The following BRINP1 variants were observed in gnomAD, a reference collection of about 807,000 sequenced individuals.
BRINP1 encodes the protein BMP/retinoic acid inducible neural specific 1, also known as BMP/retinoic acid-inducible neural-specific protein 1.
A neutral mutation model predicts 72.9 loss-of-function variants in BRINP1; 17 were observed. That is an observed-to-expected ratio of 0.23 (90% CI 0.16 to 0.35). The LOEUF (loss-of-function observed/expected upper bound fraction) is 0.35. Ranked by LOEUF, BRINP1 falls within the 10% of genes least tolerant of loss-of-function variation. The pLI, the probability that BRINP1 is intolerant of heterozygous loss-of-function variation, is 1.00. For missense variants in BRINP1, 850 were observed against 1,001.6 expected (o/e 0.85, Z 2.04); for synonymous variants, 418 against 378.5 (o/e 1.10, Z -1.21).
chr9:119,166,732 A>C lies in BRINP1; in HGVS notation c.*352T>G, dbSNP rs1228622311. 5.5e-6 allele frequency: 1 copy of C among 181,164 alleles called. No individual in the cohort carries two copies. 11.2% of individuals were successfully genotyped at this position (181,164 alleles called of 1,614,324 possible). A position where few individuals can be genotyped will look rare whatever the true frequency, so the allele number is the denominator to read the frequency against. Reference sequence around the variant, plus strand: ...ATTACATATATCTCTCTTTCTTTTTAGTGTTTAATCTTAGCACCTGCACAG... The same window carrying C: ...ATTACATATATCTCTCTTTCTTTTTCGTGTTTAATCTTAGCACCTGCACAG... On this transcript the variant is annotated 3_prime_UTR_variant, in exon 8 of 8. Transcript: ENST00000265922.
At chr9:119,284,156 C>T (rs1830738335) in intron 2 of BRINP1, among the ~76,000 whole-genome samples, 1 of 152,216 alleles carries the variant, frequency 6.6e-6, no homozygotes, top group Admixed American at 6.5e-5. Flanking sequence ...CTCCTTTCTG[C>T]ATCGCTTTCT....
intron 2 of BRINP1, among the ~76,000 whole-genome samples, chr9:119,290,858 C>T (rs569596596): frequency 1.3e-5 from 2 of 152,294 alleles, no homozygotes; most frequent in African/African-American, 2.4e-5. Context: ...TGCAGTGGCT[C>T]ACGCCTGTAA....
At chr9:119,201,218 C>T (rs1471791137) in intron 7 of BRINP1, among the ~76,000 whole-genome samples, 2 of 152,162 alleles carry the variant, frequency 1.3e-5, no homozygotes, top group African/African-American at 2.4e-5. Flanking sequence ...ATTGTAATTT[C>T]AGGCAAAAGA....
At chr9:119,285,856 G>A (rs1187636302) in intron 2 of BRINP1, among the ~76,000 whole-genome samples, 1 of 152,052 alleles carries the variant, frequency 6.6e-6, no homozygotes, top group African/African-American at 2.4e-5. Flanking sequence ...GTATTCAGTT[G>A]TCATATCCTA....
intron 7 of BRINP1, among the ~76,000 whole-genome samples, chr9:119,171,930 C>G (rs1215455057): frequency 9.3e-5 from 12 of 129,166 alleles, no homozygotes; most frequent in African/African-American, 1.4e-4. Context: ...TTCTTTGAAA[C>G]CAACGAGAAC....
chr9:119,368,932 T>C lies in BRINP1; in HGVS notation c.-51+124A>G, dbSNP rs1831724651. 2 of 374,770 alleles carry C rather than the reference T, an allele frequency of 5.3e-6. No individual in the cohort carries two copies. Among genetic ancestry groups the C allele is most frequent in the South Asian group, 1.5e-4 (1 of 6,814 alleles). The allele number at this position is 374,770 out of a possible 1,614,324, so 23.2% of individuals were successfully genotyped here. A position where few individuals can be genotyped will look rare whatever the true frequency, so the allele number is the denominator to read the frequency against. On this transcript the variant is annotated intron_variant, in intron 1 of 7. Coordinates refer to ENST00000265922, the MANE Select transcript of BRINP1 (RefSeq NM_014618.3). This position sits in a 1 kb window ranked among gnomAD's most constrained non-coding sequence, Gnocchi z 4.7. ...ACTTGGAGGCGGCGGGGCGGCCAGG[T>C]GAAGAGCGGACAAGGGTGCCGGTAG... is the stretch of plus-strand genomic sequence containing the variant.
intron 1 of BRINP1, among the ~76,000 whole-genome samples, chr9:119,364,030 T>C (rs1831663779): frequency 6.6e-6 from 1 of 151,110 alleles, no homozygotes; most frequent in Non-Finnish European, 1.5e-5. Flanking sequence ...TTTTTTTTTT[T>C]TTTTTTTTGG....
intron 1 of BRINP1, among the ~76,000 whole-genome samples, chr9:119,318,807 A>G (rs1831152246): frequency 6.6e-6 from 1 of 151,254 alleles, no homozygotes; most frequent in African/African-American, 2.4e-5. Context: ...AGCTCTCAAA[A>G]GTGGAACAAG....
chr9:119,175,973 G>T (rs10984429), intron 7 of BRINP1, among the ~76,000 whole-genome samples: 2 of 152,334 alleles, frequency 1.3e-5, no homozygotes, highest in East Asian at 1.9e-4. Flanking sequence ...CTGAGGTAAT[G>T]TTGGGCAGTT....
intron 5 of BRINP1, among the ~76,000 whole-genome samples, chr9:119,237,208 T>C (rs1228868186): frequency 2.0e-5 from 3 of 151,114 alleles, no homozygotes; most frequent in African/African-American, 4.9e-5. Context: ...AAGCATGTCA[T>C]TTTTTTTTCT....
intron 5 of BRINP1, among the ~76,000 whole-genome samples, chr9:119,235,553 A>G (rs1274427197): frequency 2.0e-5 from 3 of 152,088 alleles, no homozygotes; most frequent in Non-Finnish European, 2.9e-5. Flanking sequence ...AAAATTTATT[A>G]TGCCTACTCT....
intron 7 of BRINP1, among the ~76,000 whole-genome samples, chr9:119,170,904 T>G (rs1829400228): frequency 6.9e-6 from 1 of 143,960 alleles, no homozygotes; most frequent in Non-Finnish European, 1.5e-5. Context: ...GAAGGAGAAA[T>G]AAAATACTTT....
chr9:119,288,516 A>C (rs1216780703), intron 2 of BRINP1, among the ~76,000 whole-genome samples: 1 of 152,068 alleles, frequency 6.6e-6, no homozygotes, highest in East Asian at 1.9e-4. Flanking sequence ...GCAAAAACAC[A>C]ATACAGAAAG....
intron 2 of BRINP1, 86 bp from the exon 3 acceptor site, chr9:119,249,236 C>T: frequency 1.5e-6 from 2 of 1,316,228 alleles, no homozygotes; most frequent in South Asian, 3.0e-5. Context: ...CCAGGCATCT[C>T]TCCTTAAGTG....
intron 2 of BRINP1, among the ~76,000 whole-genome samples, chr9:119,290,617 G>A (rs1452323431): frequency 6.6e-6 from 1 of 152,176 alleles, no homozygotes; most frequent in African/African-American, 2.4e-5. Flanking sequence ...ACTGAATATG[G>A]ATATTTGGGA....
In BRINP1 at chr9:119,167,103, A is replaced by G; in HGVS notation, c.2267T>C (p.Met756Thr). The G allele has an allele frequency of 1.9e-6, 3 of 1,605,800 alleles. No homozygotes were observed. The highest frequency in any genetic ancestry group is 2.6e-6 in the Non-Finnish European group (3 of 1,174,368). The change falls in exon 8 of 8, where the codon ATG (methionine) becomes ACG (threonine). Residue 756 changes from methionine to threonine, a missense_variant. Physicochemically the swap from Met to Thr is moderately conservative, Grantham distance 81. Transcript: ENST00000265922. This position sits in a 1 kb window ranked among gnomAD's most constrained non-coding sequence, Gnocchi z 4.3. ...NTEILKQSDQMTAKLC is the reference protein window; with the variant it reads ...NTEILKQSDQTTAKLC ...CCCGGGTTAGCAGAGTTTGGCTGTC[A>G]TCTGGTCCGACTGTTTGAGGATCTC...
chr9:119,188,601 A>G (rs1180553755), intron 7 of BRINP1, among the ~76,000 whole-genome samples: 1 of 152,018 alleles, frequency 6.6e-6, no homozygotes, highest in Non-Finnish European at 1.5e-5. Flanking sequence ...CATCTCTACA[A>G]AAGTTTTAAA....
At chr9:119,279,670 C>T (rs959990756) in intron 2 of BRINP1, among the ~76,000 whole-genome samples, 2 of 152,124 alleles carry the variant, frequency 1.3e-5, no homozygotes, top group African/African-American at 2.4e-5. Flanking sequence ...AAGGCCTGCA[C>T]TAATGAACTG....
At chr9:119,257,267 G>T (rs1830455106) in intron 2 of BRINP1, among the ~76,000 whole-genome samples, 1 of 152,180 alleles carries the variant, frequency 6.6e-6, no homozygotes, top group Non-Finnish European at 1.5e-5. Context: ...GTTGATGCTG[G>T]TGGGAGATGT....
Sources: allele counts gnomAD v4.1 joint callset (sites outside exome capture counted in the v4.1 genomes callset), GRCh38; gene constraint gnomAD v4.1.1; non-coding constraint Gnocchi (gnomAD v3.1); transcripts MANE v1.5; gene names NCBI Gene and HGNC (gene_info 2026-07-23, HGNC 2026-07-21).